ZNF69: variants seen among roughly 807,000 people sequenced by gnomAD.
ZNF69 encodes zinc finger protein 69, also known as ZNF3.
ZNF69 carries 47 observed loss-of-function variants against 50.9 expected under a neutral mutation model. That is an observed-to-expected ratio of 0.92 (90% CI 0.73 to 1.18). The LOEUF (loss-of-function observed/expected upper bound fraction) is 1.18, where lower values mean the gene tolerates loss of function less well. Among genes scored for constraint, ZNF69 ranks in the 50% most tolerant of loss-of-function variants. The probability of loss-of-function intolerance (pLI) is 0.00; values close to 1 mark genes in which losing one functional copy is unlikely to be tolerated. For missense variants in ZNF69, 717 were observed against 675.1 expected (o/e 1.06, Z -0.69); for synonymous variants, 216 against 223.1 (o/e 0.97, Z 0.29).
At chr19:11,966,114 A>C in the ZNF69 span, among the ~76,000 whole-genome samples, 1 of 152,158 alleles carries the variant, frequency 6.6e-6, no homozygotes, top group Admixed American at 6.5e-5. Flanking sequence ...GGCATGACTT[A>C]CCCTTACCTT....
At chr19:11,922,625 G>A in the ZNF69 span, among the ~76,000 whole-genome samples, 1 of 150,728 alleles carries the variant, frequency 6.6e-6, no homozygotes, top group Non-Finnish European at 1.5e-5. Context: ...AAGTTTAAAG[G>A]GATGGTTTCA....
the ZNF69 span, among the ~76,000 whole-genome samples, chr19:11,925,767 G>T: frequency 6.6e-6 from 1 of 152,200 alleles, no homozygotes; most frequent in Non-Finnish European, 1.5e-5. Context: ...GTTTGTCAAC[G>T]GAAAAAGCCA....
In ZNF69 at chr19:11,903,668, G is replaced by C. The variant is rs1387826035; in HGVS notation, c.159G>C (p.Met53Ile). The change falls in exon 2 of 4, where the codon ATG becomes ATC. Residue 53 changes from methionine to isoleucine, a missense_variant. Coordinates refer to ENST00000429654, the MANE Select transcript of ZNF69 (RefSeq NM_001364730.1). ...AGAGGAAACTCTACAAGGAAGTGAT[G>C]CTGGAAACTTTCAGGAACCTGACCT... ...ISQRKLYKEV[M>I]LETFRNLTSV... 6.2e-7 allele frequency: 1 copy of C among 1,614,114 alleles called. No individual in the cohort carries two copies. Among genetic ancestry groups the C allele is most frequent in the East Asian group, 2.2e-5 (1 of 44,880 alleles).
the ZNF69 span, among the ~76,000 whole-genome samples, chr19:11,928,819 C>T: frequency 3.5e-4 from 52 of 147,070 alleles, 6 homozygotes; most frequent in African/African-American, 1.3e-3. Context: ...ATGGCTCACA[C>T]CTGTAACCCC....
rs755307215 is a variant in ZNF69, at chr19:11,903,695, T to C, written c.186T>C (p.Ser62=). Residue 62 remains serine (S), a synonymous_variant, in exon 2 of 4, where the codon TCT becomes TCC. Transcript: ENST00000429654. Reference sequence around the variant, plus strand: ...TGGAAACTTTCAGGAACCTGACCTCTGTAGGTAAGGATGACATATTCCTTC... The same window carrying C: ...TGGAAACTTTCAGGAACCTGACCTCCGTAGGTAAGGATGACATATTCCTTC... ...VMLETFRNLT[S]VGKSWKDQNI... The C allele has an allele frequency of 1.2e-6, 2 of 1,614,024 alleles. No homozygotes were observed. Among genetic ancestry groups the C allele is most frequent in the East Asian group, 4.5e-5 (2 of 44,888 alleles).
At chr19:11,950,996 C>A in the ZNF69 span, among the ~76,000 whole-genome samples, 4 of 151,328 alleles carry the variant, frequency 2.6e-5, no homozygotes, top group Non-Finnish European at 5.9e-5. Context: ...ACTAAAAATA[C>A]AAAAATTAGC....
chr19:11,904,047 C>G (rs2145237085), intron 3 of ZNF69, 82 bp downstream of exon 3: 1 of 1,472,204 alleles, frequency 6.8e-7, no homozygotes, highest in East Asian at 2.3e-5. Flanking sequence ...AGTAAAAGAA[C>G]TAAGTCCAGG....
At chr19:11,919,351 C>T in the ZNF69 span, among the ~76,000 whole-genome samples, 2 of 152,136 alleles carry the variant, frequency 1.3e-5, 1 homozygote, top group Non-Finnish European at 2.9e-5. Context: ...TCCTTTGTGA[C>T]TCTTGCTCCC....
chr19:11,959,911 T>C, the ZNF69 span, among the ~76,000 whole-genome samples: 1 of 152,240 alleles, frequency 6.6e-6, no homozygotes, highest in African/African-American at 2.4e-5. Context: ...GTAGAATCTC[T>C]GTAAGATTAT....
intron 1 of ZNF69, among the ~76,000 whole-genome samples, chr19:11,897,175 T>G (rs951988356): frequency 1.3e-5 from 2 of 151,942 alleles, no homozygotes; most frequent in African/African-American, 4.8e-5. Flanking sequence ...TGGAAAAACC[T>G]TGTCTCTACT....
chr19:11,966,400 A>G, the ZNF69 span, among the ~76,000 whole-genome samples: 19,214 of 151,940 alleles, frequency 0.13, 2,260 homozygotes, highest in African/African-American at 0.31. Context: ...TTGAGACAGA[A>G]TCTCCTTCTG....
chr19:11,964,170 T>C, the ZNF69 span, among the ~76,000 whole-genome samples: 2 of 152,148 alleles, frequency 1.3e-5, no homozygotes, highest in Admixed American at 1.3e-4. Context: ...CGCCCTCCCC[T>C]ACAAGTGGCC....
chr19:11,978,106 C>T, the ZNF69 span: 1 of 1,607,396 alleles, frequency 6.2e-7, no homozygotes, highest in African/African-American at 1.3e-5. Context: ...GTGCTTCTCA[C>T]TTTTGACAGG....
chr19:11,962,144 G>A, the ZNF69 span, among the ~76,000 whole-genome samples: 1,418 of 152,166 alleles, frequency 9.3e-3, 19 homozygotes, highest in African/African-American at 0.033. Context: ...GAGGACGGGC[G>A]TGGTGGCTCA....
chr19:11,891,101 G>C (rs1301017809), intron 1 of ZNF69, among the ~76,000 whole-genome samples: 2 of 152,114 alleles, frequency 1.3e-5, no homozygotes, highest in African/African-American at 4.8e-5. Flanking sequence ...TTCAAGACGA[G>C]TCACAAAGTG....
At chr19:11,964,364 A>T in the ZNF69 span, among the ~76,000 whole-genome samples, 768 of 152,338 alleles carry the variant, frequency 5.0e-3, 5 homozygotes, top group African/African-American at 0.018. Flanking sequence ...CGCTGGAGGC[A>T]GAGTTGTTTG....
downstream of ZNF69, among the ~76,000 whole-genome samples, chr19:11,911,247 T>C (rs542323576): frequency 6.6e-6 from 1 of 152,316 alleles, no homozygotes; most frequent in African/African-American, 2.4e-5. Flanking sequence ...AGTTCAACCA[T>C]TGTGGAAGAC....
At position 11,905,201 on chromosome 19, in the gene ZNF69, A is replaced by T; in HGVS notation, c.804A>T (p.Arg268Ser). 6.2e-7 allele frequency: 1 copy of T among 1,614,136 alleles called. No homozygotes were observed. Among genetic ancestry groups the T allele is most frequent in the Non-Finnish European group, 8.5e-7 (1 of 1,180,028 alleles). Reference sequence around the variant, plus strand: ...CTGCTACCCTTCGAATACACGAAAGAACTCACACTGGAGAAAAGCCTTATG... The same window carrying T: ...CTGCTACCCTTCGAATACACGAAAGTACTCACACTGGAGAAAAGCCTTATG... ...SYSATLRIHE[R>S]THTGEKPYEC... The change falls in exon 4 of 4, where the codon AGA (arginine) becomes AGT (serine). Residue 268 changes from arginine (R) to serine (S), a missense_variant. Transcript: ENST00000429654.
Position 11,888,001 on chromosome 19 carries a change from C to T in ZNF69, c.63+15C>T. The T allele has an allele frequency of 1.9e-6, 3 of 1,610,350 alleles. No homozygotes were observed. The highest frequency in any genetic ancestry group is 2.5e-6 in the Non-Finnish European group (3 of 1,177,508). ...GCCAGGAAATGGTGCGTGTCTGGGG[C>T]CGGGTGTCGTGAGACGGGGGAGGGG... is the stretch of plus-strand genomic sequence containing the variant. On this transcript the variant is annotated intron_variant, in intron 1 of 3. Transcript: ENST00000429654.
Sources: gnomAD v4.1 joint callset for allele counts (sites outside exome capture counted in the v4.1 genomes callset) on GRCh38, gnomAD v4.1.1 for gene constraint, MANE v1.5 for transcripts, NCBI Gene and HGNC (gene_info 2026-07-23, HGNC 2026-07-21) for gene names.